CDCA2: variants seen among roughly 807,000 people sequenced by gnomAD.
CDCA2 encodes the protein cell division cycle-associated protein 2.
CDCA2 carries 44 observed loss-of-function variants against 67.0 expected under a neutral mutation model. The observed-to-expected ratio is 0.66, with a 90% CI of 0.52 to 0.84. The LOEUF is 0.84. CDCA2 is among the 40% of genes least tolerant of loss of function. The pLI, the probability that CDCA2 is intolerant of heterozygous loss-of-function variation, is 0.00. For synonymous variants in CDCA2, 447 were observed against 418.7 expected, an observed-to-expected ratio of 1.07 and a Z score of -0.82; for missense variants, 1,253 against 1,203.2, an observed-to-expected ratio of 1.04 and a Z score of -0.61.
At position 25,488,156 on chromosome 8, in the gene CDCA2, T is replaced by C. The variant is rs76807543; in HGVS notation, c.1534-396T>C. Among the ~76,000 whole-genome samples the C allele has an allele frequency of 6.8e-3, 1,035 of 152,304 alleles. 7 individuals are homozygous for C. The highest frequency in any genetic ancestry group is 0.023 in the African/African-American group (960 of 41,550). Reference sequence around the variant, plus strand: ...ATACTGTTATGGGGTATTTAGCTTATAGGGTTGGATATTAAACCCAGGATT... The same window carrying C: ...ATACTGTTATGGGGTATTTAGCTTACAGGGTTGGATATTAAACCCAGGATT... On this transcript the variant is annotated intron_variant, in intron 12 of 14. Coordinates refer to ENST00000330560, the MANE Select transcript of CDCA2 (RefSeq NM_152562.4).
In CDCA2 at chr8:25,507,150, A is replaced by G; in HGVS notation, c.2484A>G (p.Lys828=). Residue 828 remains lysine (K), a synonymous_variant, in exon 15 of 15, where the codon AAA becomes AAG. Transcript: ENST00000330560. ...SSSVVSCRDR[K]DRRRSMCYSD... The stretch of plus-strand genomic sequence containing the variant: ...GTGTTGTGAGTTGCAGAGACAGGAA[A>G]GATAGAAGACGTTCCATGTGTTATT... The G allele has an allele frequency of 6.2e-7, 1 of 1,614,224 alleles. No individual in the cohort carries two copies. The highest frequency in any genetic ancestry group is 1.3e-5 in the African/African-American group (1 of 75,070).
rs1268245330 is a variant in CDCA2, at chr8:25,483,527, T to A, written c.1120+41T>A. 1.5e-5 allele frequency: 21 copies of A among 1,424,186 alleles called. No individual in the cohort carries two copies. The Middle Eastern group carries it at 1.8e-3, about 122-fold the overall frequency. The allele number at this position is 1,424,186 out of a possible 1,614,324, so 88.2% of individuals were successfully genotyped here. ...TTGTTTTTAAGCTTGAGGATATCAT[T>A]TTCATGTTAGTAAAACCTAGTATAA... On this transcript the variant is annotated intron_variant, in intron 9 of 14. Coordinates refer to ENST00000330560, the MANE Select transcript of CDCA2 (RefSeq NM_152562.4).
At position 25,460,532 on chromosome 8, in the gene CDCA2, A is replaced by G; in HGVS notation, c.210A>G (p.Glu70=). The G allele has an allele frequency of 6.2e-7, 1 of 1,613,962 alleles. No homozygotes were observed. The highest frequency in any genetic ancestry group is 8.5e-7 in the Non-Finnish European group (1 of 1,179,962). Residue 70 remains glutamate, a synonymous_variant, in exon 3 of 15, where the codon GAA becomes GAG. Transcript: ENST00000330560. ...TAGAGCAATTGGGAATTACACCTGA[A>G]AGCTTTGTTAGGAACTCTGCAGGTA... ...VTVEQLGITP[E]SFVRNSAGKS...
At chr8:25,480,268 C>G in intron 8 of CDCA2, 144 bp downstream of exon 8, 1 of 679,314 alleles carries the variant, frequency 1.5e-6, no homozygotes, top group Non-Finnish European at 2.4e-6. Flanking sequence ...CTCATCTTTT[C>G]TTATTAACAA....
At chr8:25,465,954 A>G (rs1002072959) in intron 4 of CDCA2, among the ~76,000 whole-genome samples, 1 of 152,138 alleles carries the variant, frequency 6.6e-6, no homozygotes, top group Non-Finnish European at 1.5e-5. Context: ...CTTCCATATA[A>G]TCTTAGGCTG....
intron 10 of CDCA2, among the ~76,000 whole-genome samples, chr8:25,485,480 G>A (rs1051818347): frequency 2.0e-5 from 3 of 152,078 alleles, no homozygotes; most frequent in African/African-American, 7.2e-5. Context: ...AAATTTAGCA[G>A]TAGATCATTA....
In CDCA2 at chr8:25,480,096, C is replaced by T. The variant is rs1163387089; in HGVS notation, c.1004C>T (p.Ser335Phe). 6.2e-7 allele frequency: 1 copy of T among 1,614,110 alleles called. No homozygotes were observed. The highest frequency in any genetic ancestry group is 8.5e-7 in the Non-Finnish European group (1 of 1,180,012). ...FVLRSVLKKP[S>F]VKMCLESLQE... is the part of the protein sequence containing the mutation. ...CTTCGTTCTGTACTGAAGAAACCCT[C>T]TGTTAAGATGTGTCTAGAGAGCTTA... The change falls in exon 8 of 15, where the codon TCT becomes TTT. Residue 335 changes from serine (S) to phenylalanine (F), a missense_variant. Physicochemically the swap from Ser to Phe is radical, Grantham distance 155. Transcript: ENST00000330560.
At chr8:25,498,315 C>G (rs1237170647) in intron 13 of CDCA2, among the ~76,000 whole-genome samples, 1 of 152,110 alleles carries the variant, frequency 6.6e-6, no homozygotes, top group Non-Finnish European at 1.5e-5. Context: ...TCAAGTGATT[C>G]TCCTGCCTCA....
chr8:25,507,489 T>C lies in CDCA2; in HGVS notation c.2823T>C (p.Thr941=). 6.2e-7 allele frequency: 1 copy of C among 1,613,696 alleles called. No homozygotes were observed. The highest frequency in any genetic ancestry group is 8.5e-7 in the Non-Finnish European group (1 of 1,179,846). The change falls in exon 15 of 15, where the codon ACT becomes ACC. Residue 941 remains threonine (T), a synonymous_variant. Coordinates refer to ENST00000330560, the MANE Select transcript of CDCA2 (RefSeq NM_152562.4). ...GFESMSPIKE[T]VSSRQKPQMA... ...AAAGTATGTCTCCCATAAAAGAAAC[T>C]GTGTCCTCCAGACAAAAACCGCAGA...
intron 4 of CDCA2, among the ~76,000 whole-genome samples, chr8:25,464,277 G>T (rs1037776868): frequency 6.6e-6 from 1 of 152,188 alleles, no homozygotes; most frequent in African/African-American, 2.4e-5. Context: ...TTATCTGGGT[G>T]TGGTGGCACA....
rs1803647965 is a variant in CDCA2, at chr8:25,483,477, A to AC, written c.1111_1112insC (p.Lys371ThrfsTer6). The stretch of plus-strand genomic sequence containing the variant: ...AAATCTCCCAAACTGTTGCAAAGAG[A>AC]AAGAAGCAGGTAAGAAATTCATACT... On this transcript the variant is annotated frameshift_variant, in exon 9 of 15. Coordinates refer to ENST00000330560, the MANE Select transcript of CDCA2 (RefSeq NM_152562.4). LOFTEE classifies it high-confidence loss of function. 6.2e-7 allele frequency: 1 copy of AC among 1,609,236 alleles called. No individual in the cohort carries two copies. Among genetic ancestry groups the AC allele is most frequent in the Non-Finnish European group, 8.5e-7 (1 of 1,177,184 alleles).
At chr8:25,470,751 A>G (rs559258061) in intron 7 of CDCA2, among the ~76,000 whole-genome samples, 1 of 148,600 alleles carries the variant, frequency 6.7e-6, no homozygotes, top group Non-Finnish European at 1.5e-5. Flanking sequence ...AAACAGCTGT[A>G]TGTGCTTTGT....
intron 7 of CDCA2, among the ~76,000 whole-genome samples, chr8:25,475,741 A>G (rs1345468780): frequency 6.6e-6 from 1 of 152,158 alleles, no homozygotes; most frequent in Non-Finnish European, 1.5e-5. Context: ...GCAGTTTAAT[A>G]CTGCTGGCTG....
intron 13 of CDCA2, 124 bp downstream of exon 13, chr8:25,488,813 T>G: frequency 2.1e-6 from 2 of 949,504 alleles, no homozygotes; most frequent in East Asian, 3.2e-5. Context: ...TAATGCAATC[T>G]TACCGTGGAG....
At chr8:25,500,855 A>G (rs1021007537) in intron 13 of CDCA2, among the ~76,000 whole-genome samples, 8 of 152,210 alleles carry the variant, frequency 5.3e-5, no homozygotes, top group African/African-American at 1.7e-4. Context: ...TCTGTTTTGC[A>G]GAGGAGAATG....
chr8:25,485,572 A>G (rs1803742469), intron 10 of CDCA2, among the ~76,000 whole-genome samples, 187 bp from the exon 11 acceptor site: 1 of 152,184 alleles, frequency 6.6e-6, no homozygotes, highest in African/African-American at 2.4e-5. Flanking sequence ...TGATTGGTAA[A>G]TGGTATACAT....
chr8:25,497,342 A>C (rs79540902), intron 13 of CDCA2, among the ~76,000 whole-genome samples: 3,716 of 152,252 alleles, frequency 0.024, 146 homozygotes, highest in African/African-American at 0.085. Flanking sequence ...GATAAAGAAA[A>C]AATATGTGTG....
rs140233192 is a variant in CDCA2 at position 25,468,554 on chromosome 8, T to TGTGTGTGTGC, written c.735+144_735+145insTGTGTGCGTG. On this transcript the variant is annotated intron_variant, in intron 6 of 14. Transcript: ENST00000330560. ...TGGGGTGTGTGTGTGTGTGTGTGTG[T>TGTGTGTGTGC]GTGCGTGTGTGTGTGTGTGTTTCCT... 1,671 of 495,394 alleles carry TGTGTGTGTGC rather than the reference T, an allele frequency of 3.4e-3. 19 individuals are homozygous for TGTGTGTGTGC. The highest frequency in any genetic ancestry group is 0.027 in the African/African-American group (1,402 of 51,060). The allele number at this position is 495,394 out of a possible 1,614,324, so 30.7% of individuals were successfully genotyped here. A position where few individuals can be genotyped will look rare whatever the true frequency, so the allele number is the denominator to read the frequency against.
intron 13 of CDCA2, among the ~76,000 whole-genome samples, chr8:25,497,500 A>T (rs201862714): frequency 0.012 from 287 of 23,536 alleles, 6 homozygotes; most frequent in Middle Eastern, 0.091. Flanking sequence ...TTTAAAAAAT[A>T]AAAAATAAAA....
Sources: gnomAD v4.1 joint callset for allele counts (sites outside exome capture counted in the v4.1 genomes callset) on GRCh38, gnomAD v4.1.1 for gene constraint, MANE v1.5 for transcripts, NCBI Gene and HGNC (gene_info 2026-07-23, HGNC 2026-07-21) for gene names.